KCTD16: variants seen among roughly 807,000 people sequenced by gnomAD.
KCTD16 encodes the protein BTB/POZ domain-containing protein KCTD16.
In KCTD16, 13 loss-of-function variants were observed where a neutral mutation model predicts 33.2. The ratio of observed to expected loss-of-function variants is 0.39; its 90% CI spans 0.25 to 0.62. KCTD16 has a LOEUF of 0.62. Among genes scored for constraint, KCTD16 ranks in the 20% least tolerant of loss-of-function variants. The pLI, the probability that KCTD16 is intolerant of heterozygous loss-of-function variation, is 0.50. For synonymous variants in KCTD16, 197 were observed against 195.3 expected, an observed-to-expected ratio of 1.01 and a Z score of -0.07; for missense variants, 441 against 525.1, an observed-to-expected ratio of 0.84 and a Z score of 1.57.
rs1754548658 is a variant in KCTD16, at chr5:144,474,337, AGT to A, written c.*224_*225del. 2 of 492,462 alleles carry A rather than the reference AGT, an allele frequency of 4.1e-6. No individual in the cohort carries two copies. Among genetic ancestry groups the A allele is most frequent in the Non-Finnish European group, 7.2e-6 (2 of 278,228 alleles). 30.5% of individuals were successfully genotyped at this position (492,462 alleles called of 1,614,324 possible). On this transcript the variant is annotated 3_prime_UTR_variant, in exon 4 of 4. Transcript: ENST00000512467. ...GTGGAAGTACAAGAAAATCTTTTTTAGTTATTTGTTTGTTTACTTCGTCCCAT... is the reference window on the plus strand; with the variant it reads ...GTGGAAGTACAAGAAAATCTTTTTTATATTTGTTTGTTTACTTCGTCCCAT...
chr5:144,374,252 A>G (rs1752037030), intron 3 of KCTD16, among the ~76,000 whole-genome samples: 1 of 152,232 alleles, frequency 6.6e-6, no homozygotes, highest in African/African-American at 2.4e-5. Context: ...AAAGATTAAT[A>G]TTAGAAGCAC....
chr5:144,216,823 C>T (rs1361910892), intron 3 of KCTD16, among the ~76,000 whole-genome samples: 1 of 148,112 alleles, frequency 6.8e-6, no homozygotes, highest in Non-Finnish European at 1.5e-5. Context: ...CAGCCTAGGC[C>T]ACAGAGGGAG....
intron 3 of KCTD16, among the ~76,000 whole-genome samples, chr5:144,208,428 T>C (rs1753259025): frequency 6.6e-6 from 1 of 152,234 alleles, no homozygotes. Context: ...CTATAAACTG[T>C]GAGCCATTGA....
intron 3 of KCTD16, among the ~76,000 whole-genome samples, chr5:144,276,585 G>A (rs1483926456): frequency 1.3e-5 from 2 of 152,162 alleles, no homozygotes; most frequent in Non-Finnish European, 2.9e-5. Context: ...GTGGTTTACT[G>A]AAAAGAAAGG....
chr5:144,188,238 G>A (rs939236779), intron 2 of KCTD16, among the ~76,000 whole-genome samples: 1 of 151,926 alleles, frequency 6.6e-6, no homozygotes, highest in Non-Finnish European at 1.5e-5. Flanking sequence ...TTGTCCTTTG[G>A]TACTTACAAA....
intron 3 of KCTD16, among the ~76,000 whole-genome samples, chr5:144,251,609 C>A (rs1398515973): frequency 6.6e-6 from 1 of 152,114 alleles, no homozygotes; most frequent in African/African-American, 2.4e-5. Context: ...ACATTTTAAA[C>A]CTACTCTTCA....
chr5:144,316,860 A>C (rs1580867866), intron 3 of KCTD16, among the ~76,000 whole-genome samples: 6 of 99,988 alleles, frequency 6.0e-5, no homozygotes, highest in South Asian at 6.1e-4. Context: ...ACGGAGTCTC[A>C]CTCTGTCACT....
intron 3 of KCTD16, among the ~76,000 whole-genome samples, chr5:144,289,777 T>C (rs113983177): frequency 6.6e-6 from 1 of 152,068 alleles, no homozygotes; most frequent in Non-Finnish European, 1.5e-5. Flanking sequence ...GGCTACTAGA[T>C]TATGATTACA....
chr5:144,302,634 A>G (rs1430219937), intron 3 of KCTD16, among the ~76,000 whole-genome samples: 3 of 152,186 alleles, frequency 2.0e-5, no homozygotes, highest in Non-Finnish European at 4.4e-5. Flanking sequence ...CTTCCTGAAT[A>G]CTTATTATCG....
chr5:144,175,548 A>ATT (rs1752487310), intron 2 of KCTD16, among the ~76,000 whole-genome samples: 1 of 152,246 alleles, frequency 6.6e-6, no homozygotes, highest in South Asian at 2.1e-4. Context: ...GGCAAATAAT[A>ATT]TTTAAACCTT....
intron 3 of KCTD16, among the ~76,000 whole-genome samples, chr5:144,458,474 G>T (rs750518401): frequency 6.6e-6 from 1 of 151,526 alleles, no homozygotes; most frequent in Non-Finnish European, 1.5e-5. Flanking sequence ...CTGTCGCAGA[G>T]GCTGTTGTTC....
intron 3 of KCTD16, among the ~76,000 whole-genome samples, chr5:144,431,659 A>G (rs1753465504): frequency 6.6e-6 from 1 of 152,150 alleles, no homozygotes; most frequent in Non-Finnish European, 1.5e-5. Flanking sequence ...GCCCTCTTCT[A>G]GTGATTCTGA....
In KCTD16 at chr5:144,264,951, A is replaced by G. The variant is rs545500730; in HGVS notation, c.832+57405A>G. ...TACAATTTCAATCAGTTATAATGAG[A>G]TAAGTGCAACAGAAATGAGTAAATC... On this transcript the variant is annotated intron_variant, in intron 3 of 3. Transcript: ENST00000512467. 1.2e-3 allele frequency among the ~76,000 whole-genome samples: 188 copies of G among 152,364 alleles called. 2 individuals are homozygous for G. Among genetic ancestry groups the G allele is most frequent in the African/African-American group, 3.8e-3 (157 of 41,590 alleles).
chr5:144,456,650 T>G (rs1754069973), intron 3 of KCTD16, among the ~76,000 whole-genome samples: 1 of 152,196 alleles, frequency 6.6e-6, no homozygotes, highest in African/African-American at 2.4e-5. Context: ...TTCAATGACT[T>G]CATTTAACTG....
At chr5:144,230,955 T>C (rs1265247778) in intron 3 of KCTD16, among the ~76,000 whole-genome samples, 1 of 152,130 alleles carries the variant, frequency 6.6e-6, no homozygotes, top group South Asian at 2.1e-4. Context: ...CTGAGCCTCA[T>C]AGTGAGAGCA....
intron 3 of KCTD16, among the ~76,000 whole-genome samples, chr5:144,418,358 C>T (rs1184313808): frequency 6.6e-6 from 1 of 152,114 alleles, no homozygotes; most frequent in Non-Finnish European, 1.5e-5. Flanking sequence ...GTCCATTTTA[C>T]AGAGAGCTGA....
chr5:144,203,686 C>T (rs559007629), intron 2 of KCTD16, among the ~76,000 whole-genome samples: 3 of 152,310 alleles, frequency 2.0e-5, no homozygotes, highest in African/African-American at 7.2e-5. Flanking sequence ...GACGTTTTGA[C>T]CTACTCTCTT....
At chr5:144,238,165 G>C (rs765068727) in intron 3 of KCTD16, among the ~76,000 whole-genome samples, 1 of 152,166 alleles carries the variant, frequency 6.6e-6, no homozygotes, top group African/African-American at 2.4e-5. Flanking sequence ...TGGCTCGAGA[G>C]AAGGAGATAT....
At chr5:144,241,218 C>T (rs750593244) in intron 3 of KCTD16, among the ~76,000 whole-genome samples, 7 of 152,100 alleles carry the variant, frequency 4.6e-5, no homozygotes, top group South Asian at 2.1e-4. Context: ...AAGGGCACTA[C>T]GTGAGTAAAA....
Sources: allele counts gnomAD v4.1 joint callset (sites outside exome capture counted in the v4.1 genomes callset), GRCh38; gene constraint gnomAD v4.1.1; transcripts MANE v1.5; gene names NCBI Gene and HGNC (gene_info 2026-07-23, HGNC 2026-07-21).